ITGA9: variants seen among roughly 807,000 people sequenced by gnomAD.
The protein encoded by ITGA9 is integrin subunit alpha 9.
In ITGA9, 56 loss-of-function variants were observed where a neutral mutation model predicts 127.8. The observed-to-expected ratio is 0.44, with a 90% CI of 0.35 to 0.55. The LOEUF is 0.55. Ranked by LOEUF, ITGA9 falls within the 20% of genes least tolerant of loss-of-function variation. The pLI is 0.00. For synonymous variants in ITGA9, 508 were observed against 514.5 expected (o/e 0.99, Z 0.17); for missense variants, 1,196 against 1,347.1 (o/e 0.89, Z 1.76).
chr3:37,606,908 A>G (rs1699973913), intron 15 of ITGA9, among the ~76,000 whole-genome samples: 2 of 150,326 alleles, frequency 1.3e-5, no homozygotes, highest in Admixed American at 6.6e-5. Flanking sequence ...TTGAAAATCA[A>G]TGGTTTCTTG....
chr3:37,578,565 C>T (rs903112791), intron 15 of ITGA9, among the ~76,000 whole-genome samples: 21 of 152,312 alleles, frequency 1.4e-4, no homozygotes, highest in African/African-American at 3.4e-4. Context: ...AGTGGTCCCT[C>T]GGCTTCAACA....
At chr3:37,613,714 C>G (rs1330878770) in intron 15 of ITGA9, among the ~76,000 whole-genome samples, 5 of 152,166 alleles carry the variant, frequency 3.3e-5, no homozygotes, top group Non-Finnish European at 4.4e-5. Context: ...CTGATGGCCA[C>G]TGATGATGAG....
At chr3:37,778,727 C>CT (rs11397685) in intron 24 of ITGA9, among the ~76,000 whole-genome samples, 101,449 of 151,758 alleles carry the variant, frequency 0.67, 34,119 homozygotes, top group East Asian at 0.75. Context: ...AATGACAATG[C>CT]TTTCCAAAGC....
intron 18 of ITGA9, among the ~76,000 whole-genome samples, chr3:37,705,264 G>A (rs1700991953): frequency 6.6e-6 from 1 of 152,204 alleles, no homozygotes; most frequent in Non-Finnish European, 1.5e-5. Flanking sequence ...ATGGAGATCA[G>A]AATTTTCACT....
chr3:37,791,246 C>T (rs747120291), intron 26 of ITGA9, among the ~76,000 whole-genome samples: 3 of 152,166 alleles, frequency 2.0e-5, no homozygotes, highest in South Asian at 2.1e-4. Context: ...GTGTGAGAAG[C>T]GTGCATGAAT....
At chr3:37,748,072 C>G (rs2125536528) in intron 22 of ITGA9, 1 of 400,908 alleles carries the variant, frequency 2.5e-6, no homozygotes, top group Non-Finnish European at 4.9e-6. Flanking sequence ...AAATTTCGGC[C>G]TTTTGGCCAG....
At chr3:37,529,539 A>G (rs544454446) in intron 13 of ITGA9, among the ~76,000 whole-genome samples, 1 of 152,302 alleles carries the variant, frequency 6.6e-6, no homozygotes, top group South Asian at 2.1e-4. Context: ...CAAAGGAGCA[A>G]ATGGGACCAG....
In ITGA9 at chr3:37,814,900, C is replaced by CT. The variant is rs1235299117; in HGVS notation, c.3010-3990dup. ...TGTTTTAAGAAATGGTCTTCAGACT[C>CT]TAAAAAAAGGAAGACATACATCAGT... On this transcript the variant is annotated intron_variant, in intron 27 of 27. Coordinates refer to ENST00000264741, the MANE Select transcript of ITGA9 (RefSeq NM_002207.3). The surrounding 1 kb of genome is among the most constrained non-coding windows in gnomAD (Gnocchi z 4.3). Among the ~76,000 whole-genome samples the CT allele has an allele frequency of 1.3e-5, 2 of 152,140 alleles. No individual in the cohort carries two copies. The highest frequency in any genetic ancestry group is 2.9e-5 in the Non-Finnish European group (2 of 68,026).
rs568838954 is a variant in ITGA9 at position 37,659,858 on chromosome 3, G to A, written c.1916+6068G>A. Among the ~76,000 whole-genome samples the A allele has an allele frequency of 1.6e-4, 25 of 152,046 alleles. No homozygotes were observed. In the South Asian group the frequency reaches 4.2e-3, roughly 25 times the overall value. On this transcript the variant is annotated intron_variant, in intron 17 of 27. Transcript: ENST00000264741. ...CTTTATGTTGGTGACTTTCAGATGG[G>A]GTTTCTGTATGGACGTACACTAGTA...
chr3:37,807,339 G>A (rs141784919), intron 27 of ITGA9: 2 of 152,266 alleles, frequency 1.3e-5, no homozygotes, highest in African/African-American at 4.8e-5. Context: ...GGTGTCATTC[G>A]AGTCTGACCT....
intron 14 of ITGA9, among the ~76,000 whole-genome samples, chr3:37,541,251 T>A (rs1355621211): frequency 2.0e-5 from 3 of 152,198 alleles, no homozygotes; most frequent in African/African-American, 7.2e-5. Context: ...CAGGGCTGGG[T>A]CATCTGCCTT....
In ITGA9 at chr3:37,624,200, C is replaced by CTTTT. The variant is rs58307041; in HGVS notation, c.1690-4967_1690-4964dup. ...GGTTAGCTAAGGAAGAAAAAAAACCCTTTTTTTTTTTTTTTTTTTTTTTAA... is the reference window on the plus strand; with the variant it reads ...GGTTAGCTAAGGAAGAAAAAAAACCCTTTTTTTTTTTTTTTTTTTTTTTTTTTAA... On this transcript the variant is annotated intron_variant, in intron 15 of 27. Transcript: ENST00000264741. 6.2e-3 allele frequency among the ~76,000 whole-genome samples: 533 copies of CTTTT among 85,752 alleles called. 31 individuals are homozygous for CTTTT. Among genetic ancestry groups the CTTTT allele is most frequent in the Middle Eastern group, 0.04 (4 of 100 alleles). The allele number at this position is 85,752 out of a possible 152,430, so 56.3% of individuals were successfully genotyped here.
At chr3:37,657,671 GT>G (rs1316741850) in intron 17 of ITGA9, among the ~76,000 whole-genome samples, 2 of 148,334 alleles carry the variant, frequency 1.3e-5, no homozygotes, top group African/African-American at 4.9e-5. Flanking sequence ...TTTTTGAAGG[GT>G]TTTTCATGTC....
chr3:37,543,801 G>T (rs1456459119), intron 15 of ITGA9, among the ~76,000 whole-genome samples: 3 of 152,224 alleles, frequency 2.0e-5, no homozygotes, highest in African/African-American at 4.8e-5. Flanking sequence ...ATGAGTCCAT[G>T]CCCCTCAGAT....
At chr3:37,474,819 A>G (rs1698475793) in intron 3 of ITGA9, among the ~76,000 whole-genome samples, 1 of 152,246 alleles carries the variant, frequency 6.6e-6, no homozygotes, top group African/African-American at 2.4e-5. Context: ...ATCCCAGGGA[A>G]ACAGGTTTTC....
rs182359773 is a variant in ITGA9, at chr3:37,682,966, G to A, written c.1917-899G>A. On this transcript the variant is annotated intron_variant, in intron 17 of 27. Coordinates refer to ENST00000264741, the MANE Select transcript of ITGA9 (RefSeq NM_002207.3). ...TCCTCTCCTGGCCACTCCACAGACC[G>A]TTCACATCATAGCCAATGCGAGCCT... is the stretch of plus-strand genomic sequence containing the variant. Among the ~76,000 whole-genome samples the A allele has an allele frequency of 1.2e-4, 18 of 152,228 alleles. No homozygotes were observed. In the East Asian group the frequency reaches 1.7e-3, roughly 15 times the overall value.
intron 3 of ITGA9, among the ~76,000 whole-genome samples, chr3:37,480,616 G>A (rs564417037): frequency 6.6e-6 from 1 of 152,236 alleles, no homozygotes; most frequent in African/African-American, 2.4e-5. Flanking sequence ...CTGTATGTAA[G>A]TTTCCATAAA....
chr3:37,744,180 C>A, intron 22 of ITGA9, 146 bp downstream of exon 22: 2 of 710,384 alleles, frequency 2.8e-6, no homozygotes, highest in East Asian at 5.3e-5. Flanking sequence ...TGTAACCACA[C>A]ACAGAATGAA....
chr3:37,800,551 G>A (rs1416867301), intron 26 of ITGA9, among the ~76,000 whole-genome samples: 1 of 152,192 alleles, frequency 6.6e-6, no homozygotes, highest in Non-Finnish European at 1.5e-5. Context: ...TTTAAGGGCA[G>A]GAACCCAAAG....
Sources: allele counts gnomAD v4.1 joint callset (sites outside exome capture counted in the v4.1 genomes callset), GRCh38; gene constraint gnomAD v4.1.1; non-coding constraint Gnocchi (gnomAD v3.1); transcripts MANE v1.5; gene names NCBI Gene and HGNC (gene_info 2026-07-23, HGNC 2026-07-21).